ABCB11: variants seen among roughly 807,000 people sequenced by gnomAD.
The protein encoded by ABCB11 is bile salt export pump.
In ABCB11, 95 loss-of-function variants were observed where a neutral mutation model predicts 148.0. That is an observed-to-expected ratio of 0.64 (90% CI 0.54 to 0.76). The LOEUF is 0.76. Ranked by LOEUF, ABCB11 falls within the 30% of genes least tolerant of loss-of-function variation. The pLI is 0.00. For synonymous variants in ABCB11, 591 were observed against 555.4 expected (o/e 1.06, Z -0.90); for missense variants, 1,523 against 1,617.8 (o/e 0.94, Z 1.01).
At chr2:168,950,483 G>A (rs1370610988) in intron 19 of ABCB11, among the ~76,000 whole-genome samples, 1 of 151,600 alleles carries the variant, frequency 6.6e-6, no homozygotes, top group African/African-American at 2.4e-5. Flanking sequence ...TGTTCTGACT[G>A]TTGTAAAATG....
chr2:168,975,349 TTATAGA>T (rs1693805142), intron 12 of ABCB11, among the ~76,000 whole-genome samples: 2 of 50,276 alleles, frequency 4.0e-5, no homozygotes, highest in African/African-American at 1.7e-4. Context: ...ATTTTTATAT[TTATAGA>T]TAAATATATA....
rs563533767 is a variant in ABCB11 at position 168,949,919 on chromosome 2, C to A, written c.2344-4958G>T. Among the ~76,000 whole-genome samples, 6 of 151,494 alleles carry A rather than the reference C, an allele frequency of 4.0e-5. No homozygotes were observed. In the East Asian group the frequency reaches 1.2e-3, roughly 30 times the overall value. On this transcript the variant is annotated intron_variant, in intron 19 of 27. Transcript: ENST00000650372. ...AAAAAATGTAAACGAGCAAGACTGG[C>A]CTAGCCTCCCAGCCTACATCTTTCT...
chr2:168,942,498 C>A (rs1196751190), intron 21 of ABCB11, among the ~76,000 whole-genome samples: 3 of 16,928 alleles, frequency 1.8e-4, no homozygotes, highest in Non-Finnish European at 4.0e-4. Context: ...AGAATTAAAA[C>A]AAAGGGTGCA....
Position 168,969,458 on chromosome 2 carries a change from C to A in ABCB11, c.1903G>T (p.Val635Leu). ...AATTCTTCATGGGTCCCTCTTTCCA[C>A]TGCAGTGCCATGTTCAAAACCAATG... Reference protein sequence around the residue: ...TIIGFEHGTAVERGTHEELLE... With the variant: ...TIIGFEHGTALERGTHEELLE... Residue 635 changes from valine to leucine, a missense_variant, in exon 16 of 28, where the codon GTG becomes TTG. Val to Leu is a conservative substitution (Grantham distance 32). Transcript: ENST00000650372. 1 of 1,612,646 alleles carries A rather than the reference C, an allele frequency of 6.2e-7. No homozygotes were observed. The highest frequency in any genetic ancestry group is 1.1e-5 in the South Asian group (1 of 91,032).
chr2:168,969,957 C>CCAA, intron 15 of ABCB11, 88 bp downstream of exon 15: 10 of 549,176 alleles, frequency 1.8e-5, no homozygotes, highest in East Asian at 5.3e-5. Flanking sequence ...CTACTCCCAT[C>CCAA]CCTCCCACCC....
chr2:168,940,984 C>T (rs937838804), intron 21 of ABCB11, among the ~76,000 whole-genome samples: 1 of 152,044 alleles, frequency 6.6e-6, no homozygotes, highest in Non-Finnish European at 1.5e-5. Context: ...GGAAAAAATA[C>T]AGCTTTCAAA....
chr2:168,986,271 G>C lies in ABCB11; in HGVS notation c.922C>G (p.Leu308Val). 1 of 1,612,434 alleles carries C rather than the reference G, an allele frequency of 6.2e-7. No homozygotes were observed. The highest frequency in any genetic ancestry group is 8.5e-7 in the Non-Finnish European group (1 of 1,179,448). ...ATTCCCCAACGCTGGGCGAACACAA[G>C]ATTTTTCTCATACCTGTGAAGACAA... ...KREVERYEKN[L>V]VFAQRWGIRK... is the part of the protein sequence containing the mutation. The change falls in exon 10 of 28, where the codon CTT becomes GTT. Residue 308 changes from leucine (L) to valine (V), a missense_variant. Coordinates refer to ENST00000650372, the MANE Select transcript of ABCB11 (RefSeq NM_003742.4).
chr2:168,946,633 G>A (rs1692335702), intron 19 of ABCB11, among the ~76,000 whole-genome samples: 1 of 151,688 alleles, frequency 6.6e-6, no homozygotes, highest in South Asian at 2.1e-4. Flanking sequence ...ACCCCAAACT[G>A]CGATGCCACA....
intron 12 of ABCB11, among the ~76,000 whole-genome samples, chr2:168,976,105 A>T (rs1045253728): frequency 3.9e-5 from 6 of 152,140 alleles, no homozygotes; most frequent in Admixed American, 1.3e-4. Flanking sequence ...ATAAGGGCTG[A>T]TGCAGTGACC....
intron 19 of ABCB11, among the ~76,000 whole-genome samples, chr2:168,947,029 A>T (rs1024674915): frequency 2.0e-5 from 3 of 151,844 alleles, no homozygotes; most frequent in Non-Finnish European, 4.4e-5. Flanking sequence ...TCCAAGGGCT[A>T]TCCATCCATA....
intron 1 of ABCB11, among the ~76,000 whole-genome samples, chr2:169,021,656 G>A (rs1695542217): frequency 6.6e-6 from 1 of 151,808 alleles, no homozygotes; most frequent in Non-Finnish European, 1.5e-5. Context: ...CTTAAAATTT[G>A]GTTGAACATT....
intron 10 of ABCB11, among the ~76,000 whole-genome samples, chr2:168,980,712 T>C (rs974034617): frequency 1.3e-5 from 2 of 152,146 alleles, no homozygotes; most frequent in African/African-American, 4.8e-5. Flanking sequence ...TTGCTGGCTA[T>C]ATGCAGGTGG....
chr2:169,014,414 C>G lies in ABCB11; in HGVS notation c.99-60G>C, dbSNP rs559082684. 2.5e-5 allele frequency: 38 copies of G among 1,493,538 alleles called. 2 individuals carry two copies. In the Admixed American group the frequency reaches 6.6e-4, roughly 26 times the overall value. The allele number at this position is 1,493,538 out of a possible 1,614,324, so 92.5% of individuals were successfully genotyped here. ...CTTTCCAATACAATGGGAAATTCTC[C>G]CTAGGTGGTGATTTTATGAGTTATT... is the stretch of plus-strand genomic sequence containing the variant. On this transcript the variant is annotated intron_variant, in intron 3 of 27. Transcript: ENST00000650372.
At chr2:169,006,262 A>G (rs1208740548) in intron 5 of ABCB11, among the ~76,000 whole-genome samples, 1 of 152,230 alleles carries the variant, frequency 6.6e-6, no homozygotes, top group Non-Finnish European at 1.5e-5. Flanking sequence ...CATTGATGTA[A>G]TATACCATAT....
chr2:168,918,281 T>C (rs1363006402), downstream of ABCB11, among the ~76,000 whole-genome samples: 4 of 152,200 alleles, frequency 2.6e-5, no homozygotes, highest in African/African-American at 9.7e-5. Context: ...CTGGGGACAT[T>C]AAGATGAACT....
intron 12 of ABCB11, among the ~76,000 whole-genome samples, chr2:168,974,577 G>A (rs1195225289): frequency 6.6e-6 from 1 of 151,908 alleles, no homozygotes; most frequent in East Asian, 1.9e-4. Context: ...GCCTGTATTG[G>A]ACTGTAAGCT....
intron 5 of ABCB11, among the ~76,000 whole-genome samples, chr2:169,002,309 GC>G (rs1694899875): frequency 6.6e-6 from 1 of 152,100 alleles, no homozygotes. Flanking sequence ...TCAAGTGATG[GC>G]AAGAATGTGG....
intron 8 of ABCB11, among the ~76,000 whole-genome samples, chr2:168,993,157 T>C (rs1247324101): frequency 6.6e-6 from 1 of 151,984 alleles, no homozygotes; most frequent in Non-Finnish European, 1.5e-5. Context: ...TAAGATGAAA[T>C]GGAGAACACA....
At chr2:168,979,816 AC>A (rs764268061) in intron 11 of ABCB11, 49 bp downstream of exon 11, 122 of 822,408 alleles carry the variant, frequency 1.5e-4, no homozygotes, top group East Asian at 1.2e-3. Flanking sequence ...TCTGTGCCCC[AC>A]CCCCCAGCCC....
Sources: gnomAD v4.1 joint callset for allele counts (sites outside exome capture counted in the v4.1 genomes callset) on GRCh38, gnomAD v4.1.1 for gene constraint, MANE v1.5 for transcripts, NCBI Gene and HGNC (gene_info 2026-07-23, HGNC 2026-07-21) for gene names.